The following PRR5L variants were observed in gnomAD, a reference collection of about 807,000 sequenced individuals.
The protein encoded by PRR5L is proline rich 5 like, also known as proline-rich protein 5-like.
Under a neutral mutation model 36.4 loss-of-function variants are expected in PRR5L, and 21 were observed. The observed-to-expected ratio is 0.58, with a 90% CI of 0.41 to 0.83. The LOEUF is 0.83. Among genes scored for constraint, PRR5L ranks in the 40% least tolerant of loss-of-function variants. The pLI is 0.00. For missense variants in PRR5L, 381 were observed against 473.3 expected, an observed-to-expected ratio of 0.80 and a Z score of 1.81; for synonymous variants, 188 against 197.0, an observed-to-expected ratio of 0.95 and a Z score of 0.38.
chr11:36,397,848 T>G (rs1455467322), intron 1 of PRR5L, among the ~76,000 whole-genome samples: 1 of 152,070 alleles, frequency 6.6e-6, no homozygotes, highest in African/African-American at 2.4e-5. Flanking sequence ...CAGGCTATAG[T>G]GCAATGGCAC....
intron 1 of PRR5L, among the ~76,000 whole-genome samples, chr11:36,307,310 G>T (rs1348068710): frequency 2.0e-5 from 3 of 152,188 alleles, no homozygotes; most frequent in Admixed American, 2.0e-4. Context: ...AGGAAATTAA[G>T]CAGCTTACTC....
intron 1 of PRR5L, among the ~76,000 whole-genome samples, chr11:36,316,090 A>G (rs1856553846): frequency 1.3e-5 from 2 of 152,240 alleles, no homozygotes; most frequent in African/African-American, 4.8e-5. Context: ...GTATTAGTCT[A>G]GGACAGGAAT....
At chr11:36,337,040 A>G (rs943981241) in intron 1 of PRR5L, among the ~76,000 whole-genome samples, 5 of 152,348 alleles carry the variant, frequency 3.3e-5, no homozygotes, top group Middle Eastern at 3.4e-3. Flanking sequence ...ATTATCATAT[A>G]GATGAAGAAG....
chr11:36,400,827 C>T (rs952320816), intron 1 of PRR5L, among the ~76,000 whole-genome samples, 170 bp from the exon 2 acceptor site: 1 of 152,136 alleles, frequency 6.6e-6, no homozygotes, highest in Non-Finnish European at 1.5e-5. Flanking sequence ...CTGTTACAAC[C>T]GAAAAGAGCC....
intron 6 of PRR5L, among the ~76,000 whole-genome samples, chr11:36,445,433 A>T (rs1352224563): frequency 1.3e-5 from 2 of 152,134 alleles, no homozygotes; most frequent in Non-Finnish European, 2.9e-5. Context: ...CAGGTGTTTC[A>T]TCTGTGAAAT....
At chr11:36,331,295 C>A (rs949679036) in intron 1 of PRR5L, among the ~76,000 whole-genome samples, 1 of 152,096 alleles carries the variant, frequency 6.6e-6, no homozygotes, top group African/African-American at 2.4e-5. Flanking sequence ...AGAATAAATT[C>A]TTTCAGATTT....
intron 1 of PRR5L, among the ~76,000 whole-genome samples, chr11:36,392,055 A>G (rs1435720712): frequency 6.6e-6 from 1 of 152,218 alleles, no homozygotes; most frequent in Non-Finnish European, 1.5e-5. Context: ...CAAATAAATG[A>G]GAACATGTGA....
chr11:36,374,120 CTCTT>C (rs139552429), intron 1 of PRR5L, among the ~76,000 whole-genome samples: 8,364 of 114,480 alleles, frequency 0.073, 530 homozygotes, highest in East Asian at 0.13. Context: ...CTCTCTCTCT[CTCTT>C]TCTTTCTTTG....
intron 1 of PRR5L, among the ~76,000 whole-genome samples, chr11:36,396,620 G>A (rs1857665299): frequency 6.6e-6 from 1 of 152,148 alleles, no homozygotes; most frequent in South Asian, 2.1e-4. Context: ...TATTTGCCAG[G>A]TACAGTTCTA....
chr11:36,401,147 T>G lies in PRR5L; in HGVS notation c.26T>G (p.Leu9Arg). The stretch of plus-strand genomic sequence containing the variant: ...ATGACCCGCGGCTTCGCTCCCATTC[T>G]GCCCGTCGAGTTCCACAAGATGGGC... MTRGFAPI[L>R]PVEFHKMGSF... Residue 9 changes from leucine to arginine, a missense_variant, in exon 2 of 9, where the codon CTG (leucine) becomes CGG (arginine). By Grantham distance (102) the Leu-to-Arg change is moderately radical. Coordinates refer to ENST00000530639, the MANE Select transcript of PRR5L (RefSeq NM_001160167.2). 6.2e-7 allele frequency: 1 copy of G among 1,614,218 alleles called. No individual in the cohort carries two copies.
chr11:36,454,673 C>CA (rs1859013763), intron 8 of PRR5L: 1 of 152,268 alleles, frequency 6.6e-6, no homozygotes, highest in Admixed American at 6.5e-5. Context: ...TTTCAGTCTC[C>CA]AGGTCACCCG....
chr11:36,331,091 C>T (rs149605262), intron 1 of PRR5L, among the ~76,000 whole-genome samples: 18 of 152,282 alleles, frequency 1.2e-4, no homozygotes, highest in African/African-American at 4.3e-4. Flanking sequence ...CAGGCATGAG[C>T]CACCACACCT....
chr11:36,313,554 A>G (rs1856525198), intron 1 of PRR5L, among the ~76,000 whole-genome samples: 1 of 152,188 alleles, frequency 6.6e-6, no homozygotes, highest in Admixed American at 6.5e-5. Context: ...AGCCAATGAC[A>G]AATGTAATGG....
chr11:36,432,347 C>T lies in PRR5L; in HGVS notation c.352+437C>T, dbSNP rs1039873708. 1.2e-4 allele frequency among the ~76,000 whole-genome samples: 19 copies of T among 152,058 alleles called. 1 individual carries two copies. The highest frequency in any genetic ancestry group is 2.6e-4 in the Admixed American group (4 of 15,278). On this transcript the variant is annotated intron_variant, in intron 5 of 8. Coordinates refer to ENST00000530639, the MANE Select transcript of PRR5L (RefSeq NM_001160167.2). The stretch of plus-strand genomic sequence containing the variant: ...AGAAGAGAGGAGTCCTGTCCATTTG[C>T]AGGACATTAGGCTAAGCAGGCACTC...
At chr11:36,328,574 C>T (rs1856688310) in intron 1 of PRR5L, among the ~76,000 whole-genome samples, 1 of 152,172 alleles carries the variant, frequency 6.6e-6, no homozygotes, top group African/African-American at 2.4e-5. Flanking sequence ...CAACATCATG[C>T]TTCCTATACA....
rs12281110 is a variant in PRR5L at position 36,425,093 on chromosome 11, A to T, written c.294+5790A>T. 9.0e-3 allele frequency among the ~76,000 whole-genome samples: 1,369 copies of T among 152,206 alleles called. 24 individuals carry two copies. The highest frequency in any genetic ancestry group is 0.032 in the African/African-American group (1,321 of 41,532). ...CGCCTCGGCCTCCCAAAGTGCTGGG[A>T]TTACAGGTGTGAGCCACCGCCCCCA... On this transcript the variant is annotated intron_variant, in intron 4 of 8. Coordinates refer to ENST00000530639, the MANE Select transcript of PRR5L (RefSeq NM_001160167.2).
chr11:36,460,610 C>T (rs948177771), intron 8 of PRR5L, among the ~76,000 whole-genome samples: 5 of 152,188 alleles, frequency 3.3e-5, no homozygotes, highest in South Asian at 2.1e-4. Flanking sequence ...TTTTCACATG[C>T]GATCCCTATT....
Position 36,456,298 on chromosome 11 carries a change from CA to C in PRR5L, c.712+4966del, listed in dbSNP as rs373790390. On this transcript the variant is annotated intron_variant, in intron 8 of 8. Transcript: ENST00000530639. ...CCTCCCCAATCCCTCCCCTGGATCC[CA>C]AACCACATCCTTGGCCTTGCCTTGC... Among the ~76,000 whole-genome samples, 68 of 152,350 alleles carry C rather than the reference CA, an allele frequency of 4.5e-4. 2 individuals carry two copies. In the South Asian group the frequency reaches 0.013, roughly 29 times the overall value.
At position 36,351,707 on chromosome 11, in the gene PRR5L, T is replaced by A. The variant is rs1174956589; in HGVS notation, c.-125-49290T>A. ...TTTATATATTTATATATTTATATAT[T>A]TATTTATATATTTATATATTTTTTA... On this transcript the variant is annotated intron_variant, in intron 1 of 8. Coordinates refer to ENST00000530639, the MANE Select transcript of PRR5L (RefSeq NM_001160167.2). 7.9e-5 allele frequency among the ~76,000 whole-genome samples: 6 copies of A among 75,630 alleles called. 1 individual carries two copies. Among genetic ancestry groups the A allele is most frequent in the Non-Finnish European group, 1.2e-4 (5 of 40,426 alleles). The allele number at this position is 75,630 out of a possible 152,430, so 49.6% of individuals were successfully genotyped here.
Sources: gnomAD v4.1 joint callset for allele counts (sites outside exome capture counted in the v4.1 genomes callset) on GRCh38, gnomAD v4.1.1 for gene constraint, MANE v1.5 for transcripts, NCBI Gene and HGNC (gene_info 2026-07-23, HGNC 2026-07-21) for gene names.